Variants in OPCML observed in about 807,000 individuals in gnomAD.
OPCML encodes opioid binding protein/cell adhesion molecule like.
OPCML carries 13 observed loss-of-function variants against 37.8 expected under a neutral mutation model. The observed-to-expected ratio is 0.34, with a 90% CI of 0.22 to 0.55. The LOEUF (loss-of-function observed/expected upper bound fraction) is 0.55. OPCML is among the 20% of genes least tolerant of loss of function. OPCML has a pLI of 0.91. For synonymous variants in OPCML, 176 were observed against 168.8 expected (o/e 1.04, Z -0.33); for missense variants, 341 against 435.6 (o/e 0.78, Z 1.93).
In OPCML at chr11:133,230,518, G is replaced by T. The variant is rs189611633; in HGVS notation, c.62-287508C>A. 5.0e-4 allele frequency among the ~76,000 whole-genome samples: 76 copies of T among 152,206 alleles called. 1 individual carries two copies. The highest frequency in any genetic ancestry group is 1.8e-3 in the African/African-American group (74 of 41,522). On this transcript the variant is annotated intron_variant, in intron 1 of 7. Transcript: ENST00000524381. ...GCCTTGAACCCTAACTGAAACAAGA[G>T]GTTTTCTCTCTAGTCCCCCACCACA...
chr11:133,149,344 G>A (rs1949941880), intron 1 of OPCML, among the ~76,000 whole-genome samples: 1 of 152,178 alleles, frequency 6.6e-6, no homozygotes. Context: ...TGACATTGTA[G>A]TATATCACCC....
At chr11:133,516,434 C>T (rs1030369933) in intron 1 of OPCML, among the ~76,000 whole-genome samples, 38 of 152,202 alleles carry the variant, frequency 2.5e-4, no homozygotes, top group African/African-American at 8.0e-4. Flanking sequence ...CTCACACCAC[C>T]GCCGCCGGGG....
intron 3 of OPCML, among the ~76,000 whole-genome samples, chr11:132,546,587 T>C (rs373634054): frequency 1.3e-3 from 197 of 152,336 alleles, no homozygotes; most frequent in African/African-American, 4.6e-3. Flanking sequence ...GTTCATTTAC[T>C]CTATTGTTTA....
chr11:132,961,601 C>A (rs1309805774), intron 1 of OPCML, among the ~76,000 whole-genome samples: 1 of 152,222 alleles, frequency 6.6e-6, no homozygotes, highest in African/African-American at 2.4e-5. Flanking sequence ...AATAGGCCCA[C>A]AGGGCCGGGC....
intron 1 of OPCML, among the ~76,000 whole-genome samples, chr11:133,043,370 C>A (rs1408631809): frequency 6.6e-6 from 1 of 152,216 alleles, no homozygotes; most frequent in African/African-American, 2.4e-5. Flanking sequence ...CTCATTACCT[C>A]CGCCTTTGAG....
intron 3 of OPCML, among the ~76,000 whole-genome samples, chr11:132,559,400 G>GAT (rs1488411605): frequency 6.6e-6 from 1 of 152,188 alleles, no homozygotes; most frequent in African/African-American, 2.4e-5. Context: ...AGGGTCACAG[G>GAT]ATACATTTAT....
intron 2 of OPCML, among the ~76,000 whole-genome samples, chr11:132,687,529 C>T (rs2135876328): frequency 6.7e-6 from 1 of 150,116 alleles, no homozygotes; most frequent in South Asian, 2.1e-4. Flanking sequence ...ACAGCCTTTC[C>T]TCAGCATAGA....
intron 4 of OPCML, among the ~76,000 whole-genome samples, chr11:132,484,824 A>C (rs1274319368): frequency 2.0e-5 from 3 of 152,178 alleles, no homozygotes. Context: ...AAGAACAAAA[A>C]ACCAAACGCT....
intron 2 of OPCML, among the ~76,000 whole-genome samples, chr11:132,791,813 A>G (rs1937931870): frequency 6.6e-6 from 1 of 152,118 alleles, no homozygotes; most frequent in Admixed American, 6.5e-5. Context: ...GTGGTCTTTG[A>G]ATGACATCAC....
intron 1 of OPCML, among the ~76,000 whole-genome samples, chr11:133,531,658 G>A (rs1948606182): frequency 6.6e-6 from 1 of 151,846 alleles, no homozygotes; most frequent in African/African-American, 2.4e-5. Context: ...GAGGGATGGG[G>A]CAGGGAAGGA....
intron 2 of OPCML, among the ~76,000 whole-genome samples, chr11:132,819,847 A>T (rs1434737759): frequency 6.6e-6 from 1 of 152,188 alleles, no homozygotes; most frequent in Non-Finnish European, 1.5e-5. Flanking sequence ...GCTAAAAAAC[A>T]CATGTTTGTA....
chr11:133,474,241 G>A (rs10894684), intron 1 of OPCML, among the ~76,000 whole-genome samples: 2,217 of 152,260 alleles, frequency 0.015, 19 homozygotes, highest in Non-Finnish European at 0.022. Flanking sequence ...CGTGCTTCAC[G>A]CCAAGGATAT....
intron 1 of OPCML, among the ~76,000 whole-genome samples, chr11:132,999,733 G>A (rs1416464124): frequency 6.6e-6 from 1 of 152,188 alleles, no homozygotes; most frequent in Non-Finnish European, 1.5e-5. Context: ...CAGCCAGGCT[G>A]TAAACAGCTG....
intron 1 of OPCML, among the ~76,000 whole-genome samples, chr11:133,357,133 A>C (rs1241144649): frequency 6.6e-6 from 1 of 152,180 alleles, no homozygotes; most frequent in Admixed American, 6.5e-5. Context: ...GAGACCCTAA[A>C]AAATAACTGT....
chr11:133,103,877 C>T (rs936883256), intron 1 of OPCML, among the ~76,000 whole-genome samples: 1 of 152,194 alleles, frequency 6.6e-6, no homozygotes, highest in Non-Finnish European at 1.5e-5. Flanking sequence ...CTTTTTCTTT[C>T]TCCCCATGCT....
intron 1 of OPCML, among the ~76,000 whole-genome samples, chr11:133,152,201 T>C (rs574429921): frequency 2.6e-5 from 4 of 152,136 alleles, no homozygotes; most frequent in African/African-American, 9.7e-5. Flanking sequence ...GAGGGTCAGA[T>C]ACCCCTTCCA....
Position 133,205,933 on chromosome 11 carries a change from C to G in OPCML, c.62-262923G>C, listed in dbSNP as rs909887239. Among the ~76,000 whole-genome samples the G allele has an allele frequency of 3.9e-5, 6 of 152,174 alleles. No individual in the cohort carries two copies. Among genetic ancestry groups the G allele is most frequent in the Non-Finnish European group, 8.8e-5 (6 of 68,032 alleles). Reference sequence around the variant, plus strand: ...TCACAATCTGTCTCCAAATCCCAGACAGCTCTGTAATCTTGCACAAGTTAT... The same window carrying G: ...TCACAATCTGTCTCCAAATCCCAGAGAGCTCTGTAATCTTGCACAAGTTAT... On this transcript the variant is annotated intron_variant, in intron 1 of 7. Transcript: ENST00000524381. The surrounding 1 kb of genome is among the most constrained non-coding windows in gnomAD (Gnocchi z 4.8).
chr11:133,253,022 G>A (rs932436584), intron 1 of OPCML, among the ~76,000 whole-genome samples: 11 of 151,626 alleles, frequency 7.3e-5, no homozygotes, highest in African/African-American at 1.4e-4. Context: ...GGTGGGCACC[G>A]GTAATCCCAG....
At chr11:133,528,219 C>T (rs1414883164) in intron 1 of OPCML, among the ~76,000 whole-genome samples, 1 of 152,260 alleles carries the variant, frequency 6.6e-6, no homozygotes, top group Non-Finnish European at 1.5e-5. Context: ...GCAGCTGATG[C>T]TATCTCCTTC....
Sources: gnomAD v4.1 joint callset for allele counts (sites outside exome capture counted in the v4.1 genomes callset) on GRCh38, gnomAD v4.1.1 for gene constraint, Gnocchi (gnomAD v3.1) non-coding constraint, MANE v1.5 for transcripts, NCBI Gene and HGNC (gene_info 2026-07-23, HGNC 2026-07-21) for gene names.